BPNT2: variants seen among roughly 807,000 people sequenced by gnomAD.
BPNT2 encodes the protein Golgi-resident adenosine 3',5'-bisphosphate 3'-phosphatase.
Under a neutral mutation model 29.3 loss-of-function variants are expected in BPNT2, and 11 were observed. The observed-to-expected ratio is 0.38, with a 90% confidence interval of 0.24 to 0.62. The LOEUF is 0.62. Among genes scored for constraint, BPNT2 ranks in the 20% least tolerant of loss-of-function variants. The probability of loss-of-function intolerance (pLI) is 0.62; values close to 1 mark genes in which losing one functional copy is unlikely to be tolerated. For synonymous variants in BPNT2, 195 were observed against 187.7 expected, an observed-to-expected ratio of 1.04 and a Z score of -0.32; for missense variants, 459 against 473.4, an observed-to-expected ratio of 0.97 and a Z score of 0.28.
intron 1 of BPNT2, among the ~76,000 whole-genome samples, chr8:56,982,122 ATC>A (rs1009311872): frequency 1.3e-4 from 20 of 151,072 alleles, no homozygotes; most frequent in East Asian, 7.7e-4. Context: ...ATCATTAAAT[ATC>A]TCTTTTTTTT....
chr8:56,976,838 G>T (rs1327681253), intron 3 of BPNT2, among the ~76,000 whole-genome samples: 2 of 152,142 alleles, frequency 1.3e-5, no homozygotes, highest in Non-Finnish European at 2.9e-5. Flanking sequence ...GATGCCCATT[G>T]TATCAGTGTC....
intron 1 of BPNT2, among the ~76,000 whole-genome samples, chr8:56,980,682 TA>T (rs1806224943): frequency 6.6e-6 from 1 of 151,246 alleles, no homozygotes; most frequent in African/African-American, 2.4e-5. Context: ...AAATTTAACT[TA>T]CCATACAGAT....
At chr8:56,977,078 A>G (rs1433352570) in intron 3 of BPNT2, among the ~76,000 whole-genome samples, 4 of 152,180 alleles carry the variant, frequency 2.6e-5, no homozygotes, top group Admixed American at 6.5e-5. Context: ...AAATATAAAT[A>G]AAGTTCATGT....
intron 3 of BPNT2, among the ~76,000 whole-genome samples, chr8:56,971,509 GGACA>G (rs1457543511): frequency 6.6e-6 from 1 of 151,628 alleles, no homozygotes; most frequent in East Asian, 1.9e-4. Flanking sequence ...AAAAATTCAC[GGACA>G]AATTAAGTAG....
chr8:56,987,163 T>TGCC (rs1806339206), intron 1 of BPNT2, among the ~76,000 whole-genome samples: 1 of 152,204 alleles, frequency 6.6e-6, no homozygotes, highest in Non-Finnish European at 1.5e-5. Flanking sequence ...TTCTGGTTAA[T>TGCC]GCCTTAAGAA....
chr8:56,963,934 C>G lies in BPNT2; in HGVS notation c.939G>C (p.Gly313=). ...AGNAILKALG[G]HMTTLSGEEI... ...CTTCACCACTCAGGGTAGTCATATG[C>G]CCCCCTAGGGCTTTTAAGATGGCAT... The change falls in exon 5 of 5, where the codon GGG becomes GGC. Residue 313 remains glycine, a synonymous_variant. Coordinates refer to ENST00000262644, the MANE Select transcript of BPNT2 (RefSeq NM_017813.5). The G allele has an allele frequency of 1.2e-6, 2 of 1,613,984 alleles. No homozygotes were observed. The highest frequency in any genetic ancestry group is 1.3e-5 in the African/African-American group (1 of 75,048).
Position 56,958,221 on chromosome 8 carries a change from A to G in BPNT2, c.*5572T>C, listed in dbSNP as rs1368506503. Reference sequence around the variant, plus strand: ...CTTTATTCAATTTAGCTCAACACACATTAAGTACTTAATTTGTGCAAGAGA... The same window carrying G: ...CTTTATTCAATTTAGCTCAACACACGTTAAGTACTTAATTTGTGCAAGAGA... On this transcript the variant is annotated 3_prime_UTR_variant, in exon 5 of 5. Transcript: ENST00000262644. 2 of 152,214 alleles carry G rather than the reference A, an allele frequency of 1.3e-5. No homozygotes were observed. Among genetic ancestry groups the G allele is most frequent in the Admixed American group, 1.3e-4 (2 of 15,282 alleles). 9.4% of individuals were successfully genotyped at this position (152,214 alleles called of 1,614,324 possible). A position where few individuals can be genotyped will look rare whatever the true frequency, so the allele number is the denominator to read the frequency against.
At chr8:56,971,619 T>C (rs71519474) in intron 3 of BPNT2, among the ~76,000 whole-genome samples, 10,514 of 152,172 alleles carry the variant, frequency 0.069, 566 homozygotes, top group East Asian at 0.27. Context: ...TACCATAAAA[T>C]ATACACAAAG....
intron 4 of BPNT2, among the ~76,000 whole-genome samples, chr8:56,965,057 C>T (rs527517391): frequency 1.3e-4 from 20 of 152,164 alleles, no homozygotes; most frequent in Non-Finnish European, 2.5e-4. Context: ...TGGTGGCTCA[C>T]GCCTGTAATC....
At chr8:56,983,263 T>C (rs1186470279) in intron 1 of BPNT2, among the ~76,000 whole-genome samples, 1 of 152,010 alleles carries the variant, frequency 6.6e-6, no homozygotes, top group African/African-American at 2.4e-5. Context: ...GAAAAAAAAG[T>C]AATGTAGCTA....
intron 1 of BPNT2, among the ~76,000 whole-genome samples, chr8:56,986,367 C>A (rs1352924007): frequency 6.6e-6 from 1 of 152,124 alleles, no homozygotes; most frequent in Non-Finnish European, 1.5e-5. Flanking sequence ...GAAAGCACAG[C>A]TTAAATGAGG....
In BPNT2 at chr8:56,962,659, TTTTAATC is replaced by T. The variant is rs886063014; in HGVS notation, c.*1127_*1133del. On this transcript the variant is annotated 3_prime_UTR_variant, in exon 5 of 5. Coordinates refer to ENST00000262644, the MANE Select transcript of BPNT2 (RefSeq NM_017813.5). The stretch of plus-strand genomic sequence containing the variant: ...CAAAAAGTACCTTCAACCTTCTCTA[TTTTAATC>T]TGAGGGGAAATTAAGAGAATCTCAA... 4.9e-4 allele frequency: 74 copies of T among 152,298 alleles called. 1 individual carries two copies. Among genetic ancestry groups the T allele is most frequent in the Admixed American group, 4.1e-3 (62 of 15,294 alleles). The allele number at this position is 152,298 out of a possible 1,614,324, so 9.4% of individuals were successfully genotyped here. A position where few individuals can be genotyped will look rare whatever the true frequency, so the allele number is the denominator to read the frequency against.
chr8:56,972,273 T>A (rs533860764), intron 3 of BPNT2, among the ~76,000 whole-genome samples: 22 of 152,256 alleles, frequency 1.4e-4, no homozygotes, highest in Middle Eastern at 3.4e-3. Context: ...GAGACTCATT[T>A]GAAGAGCCAC....
chr8:56,987,616 C>A (rs11779511), intron 1 of BPNT2, among the ~76,000 whole-genome samples: 31,684 of 152,036 alleles, frequency 0.21, 3,693 homozygotes, highest in East Asian at 0.45. Context: ...GCTGACAGAT[C>A]AAGGGACTTC....
At chr8:56,985,225 T>G (rs545455270) in intron 1 of BPNT2, among the ~76,000 whole-genome samples, 65 of 152,258 alleles carry the variant, frequency 4.3e-4, no homozygotes, top group South Asian at 8.3e-4. Context: ...TCTTCATTAC[T>G]GTAGCTCCAT....
chr8:56,978,764 G>A (rs765567383), intron 2 of BPNT2, among the ~76,000 whole-genome samples: 42 of 152,082 alleles, frequency 2.8e-4, no homozygotes, highest in Non-Finnish European at 2.2e-4. Context: ...GGAGCTGGAG[G>A]CCATTATCCT....
rs79760799 is a variant in BPNT2 at position 56,989,872 on chromosome 8, A to G, written c.387+3327T>C. Among the ~76,000 whole-genome samples the G allele has an allele frequency of 1.6e-3, 249 of 152,294 alleles. 4 individuals carry two copies. In the East Asian group the frequency reaches 0.034, roughly 21 times the overall value. ...TTACTCAAACTCATTAGATTACAAG[A>G]ATTAGCTGTCCTACTATCTCTCTTG... On this transcript the variant is annotated intron_variant, in intron 1 of 4. Transcript: ENST00000262644.
In BPNT2 at chr8:56,972,849, G is replaced by GA. The variant is rs551536821; in HGVS notation, c.646+5200dup. On this transcript the variant is annotated intron_variant, in intron 3 of 4. Transcript: ENST00000262644. The stretch of plus-strand genomic sequence containing the variant: ...CAATGCAGACAAGTGTCCTATTCTG[G>GA]AAAAAAAAAAAAAATTTAAAAAAGG... 7.1e-3 allele frequency among the ~76,000 whole-genome samples: 904 copies of GA among 128,004 alleles called. 5 individuals are homozygous for GA. The highest frequency in any genetic ancestry group is 0.018 in the African/African-American group (616 of 34,818). 84.0% of individuals were successfully genotyped at this position (128,004 alleles called of 152,430 possible).
At chr8:56,990,526 G>A (rs1397208657) in intron 1 of BPNT2, among the ~76,000 whole-genome samples, 1 of 152,098 alleles carries the variant, frequency 6.6e-6, no homozygotes, top group East Asian at 1.9e-4. Flanking sequence ...GAAGACAAAA[G>A]GAAATCCAGG....
Sources: allele counts gnomAD v4.1 joint callset (sites outside exome capture counted in the v4.1 genomes callset), GRCh38; gene constraint gnomAD v4.1.1; transcripts MANE v1.5; gene names NCBI Gene and HGNC (gene_info 2026-07-23, HGNC 2026-07-21).